CRY1: variants seen among roughly 807,000 people sequenced by gnomAD.
The protein encoded by CRY1 is cryptochrome circadian regulator 1, also known as cryptochrome-1.
CRY1 carries 45 observed loss-of-function variants against 76.0 expected under a neutral mutation model. The observed-to-expected ratio is 0.59, with a 90% CI of 0.47 to 0.76. The LOEUF (loss-of-function observed/expected upper bound fraction) is 0.76. CRY1 is among the 30% of genes least tolerant of loss of function. CRY1 has a pLI of 0.00. For synonymous variants in CRY1, 248 were observed against 244.0 expected (o/e 1.02, Z -0.15); for missense variants, 587 against 716.4 (o/e 0.82, Z 2.06).
chr12:107,019,650 G>A (rs1952531980), intron 2 of CRY1, among the ~76,000 whole-genome samples: 1 of 152,114 alleles, frequency 6.6e-6, no homozygotes, highest in African/African-American at 2.4e-5. Context: ...AGCAACTAGG[G>A]CTAGGTGCTA....
intron 1 of CRY1, among the ~76,000 whole-genome samples, chr12:107,078,682 T>C (rs1953287016): frequency 1.3e-5 from 2 of 152,200 alleles, no homozygotes; most frequent in South Asian, 2.1e-4. Context: ...ATTTCTCATG[T>C]TGATATCTTA....
intron 1 of CRY1, among the ~76,000 whole-genome samples, chr12:107,076,029 T>C (rs1953247969): frequency 6.6e-6 from 1 of 152,054 alleles, no homozygotes; most frequent in South Asian, 2.1e-4. Context: ...GATGCTTATT[T>C]TGAATCCAAG....
At chr12:107,076,163 T>A (rs780885975) in intron 1 of CRY1, among the ~76,000 whole-genome samples, 1 of 151,884 alleles carries the variant, frequency 6.6e-6, no homozygotes, top group African/African-American at 2.4e-5. Context: ...TAAATGTGGA[T>A]AAAGAAGTGA....
At chr12:107,067,767 G>C (rs1276135391) in intron 1 of CRY1, among the ~76,000 whole-genome samples, 4 of 152,128 alleles carry the variant, frequency 2.6e-5, no homozygotes, top group Non-Finnish European at 5.9e-5. Context: ...ACAATGAACA[G>C]GAGTCTGTGA....
chr12:107,076,445 T>C (rs1421147892), intron 1 of CRY1, among the ~76,000 whole-genome samples: 2 of 151,864 alleles, frequency 1.3e-5, no homozygotes, highest in African/African-American at 2.4e-5. Flanking sequence ...ACTCCATCTC[T>C]ACTAAAAATA....
chr12:107,051,297 C>T (rs1403901275), intron 1 of CRY1, among the ~76,000 whole-genome samples: 2 of 152,162 alleles, frequency 1.3e-5, no homozygotes, highest in Non-Finnish European at 2.9e-5. Flanking sequence ...TAAAAAGTTA[C>T]ATTTAGGCCT....
Position 107,059,254 on chromosome 12 carries a change from TTTTG to T in CRY1, c.158+33546_158+33549del, listed in dbSNP as rs138254465. 7.4e-3 allele frequency among the ~76,000 whole-genome samples: 1,132 copies of T among 152,072 alleles called. 16 individuals carry two copies. Among genetic ancestry groups the T allele is most frequent in the African/African-American group, 0.024 (1,002 of 41,498 alleles). Reference sequence around the variant, plus strand: ...ACCAAAAATGGGACATGAATAGAGATTTTGTTTATTTTTCTGAAACAGGGTCTTG... The same window carrying T: ...ACCAAAAATGGGACATGAATAGAGATTTTATTTTTCTGAAACAGGGTCTTG... On this transcript the variant is annotated intron_variant, in intron 1 of 12. Transcript: ENST00000008527.
chr12:107,028,678 G>A (rs1305779848), intron 1 of CRY1, among the ~76,000 whole-genome samples: 1 of 152,130 alleles, frequency 6.6e-6, no homozygotes, highest in Non-Finnish European at 1.5e-5. Context: ...CATGATATAA[G>A]GAGACAATGA....
intron 2 of CRY1, among the ~76,000 whole-genome samples, chr12:107,008,903 C>T (rs1319265686): frequency 6.6e-6 from 1 of 152,174 alleles, no homozygotes; most frequent in Non-Finnish European, 1.5e-5. Context: ...TGTGCCTTTG[C>T]TCCTCCATCT....
intron 2 of CRY1, among the ~76,000 whole-genome samples, chr12:107,016,035 C>T (rs1164035166): frequency 1.7e-4 from 26 of 152,184 alleles, no homozygotes; most frequent in African/African-American, 2.4e-5. Flanking sequence ...CTTGGCTGGA[C>T]GTGGTGGCTC....
chr12:107,025,518 T>C (rs1381753179), intron 1 of CRY1, among the ~76,000 whole-genome samples: 1 of 152,204 alleles, frequency 6.6e-6, no homozygotes, highest in Non-Finnish European at 1.5e-5. Flanking sequence ...TTAAATAAAT[T>C]AACATATGCG....
chr12:107,049,097 T>C (rs960733719), intron 1 of CRY1, among the ~76,000 whole-genome samples: 19 of 152,212 alleles, frequency 1.2e-4, no homozygotes, highest in African/African-American at 4.3e-4. Context: ...AGTGCTTGTA[T>C]AGGATATTTT....
chr12:107,057,726 G>C (rs1170521690), intron 1 of CRY1, among the ~76,000 whole-genome samples: 2 of 151,878 alleles, frequency 1.3e-5, no homozygotes, highest in Non-Finnish European at 2.9e-5. Context: ...GCAAGACCCT[G>C]TCTCTATAAG....
chr12:107,055,789 G>A (rs961365088), intron 1 of CRY1, among the ~76,000 whole-genome samples: 2 of 151,828 alleles, frequency 1.3e-5, no homozygotes, highest in Admixed American at 1.3e-4. Flanking sequence ...GCAGGAGAAT[G>A]GCTTGAGTGT....
chr12:107,044,013 C>T (rs1952825795), intron 1 of CRY1, among the ~76,000 whole-genome samples: 1 of 152,186 alleles, frequency 6.6e-6, no homozygotes, highest in South Asian at 2.1e-4. Flanking sequence ...TACAACTCAG[C>T]TTCCTGAGAC....
chr12:107,009,561 A>T (rs1463981936), intron 2 of CRY1, among the ~76,000 whole-genome samples: 1 of 27,532 alleles, frequency 3.6e-5, no homozygotes, highest in Non-Finnish European at 8.0e-5. Flanking sequence ...AAAACAAAAA[A>T]ACATATATAT....
At chr12:107,010,535 C>G (rs1952432759) in intron 2 of CRY1, among the ~76,000 whole-genome samples, 1 of 152,174 alleles carries the variant, frequency 6.6e-6, no homozygotes, top group African/African-American at 2.4e-5. Flanking sequence ...CCTCGTGTCT[C>G]TGTGTCACAT....
At chr12:107,018,580 C>G (rs1004350510) in intron 2 of CRY1, among the ~76,000 whole-genome samples, 1 of 151,708 alleles carries the variant, frequency 6.6e-6, no homozygotes, top group Non-Finnish European at 1.5e-5. Flanking sequence ...GAGCAAGACT[C>G]TCTCTCAAAA....
chr12:107,035,107 G>C (rs1296975169), intron 1 of CRY1, among the ~76,000 whole-genome samples: 1 of 152,180 alleles, frequency 6.6e-6, no homozygotes, highest in Non-Finnish European at 1.5e-5. Context: ...CCAGATCTAT[G>C]AATAATGCTT....
Sources: allele counts gnomAD v4.1 joint callset (sites outside exome capture counted in the v4.1 genomes callset), GRCh38; gene constraint gnomAD v4.1.1; transcripts MANE v1.5; gene names NCBI Gene and HGNC (gene_info 2026-07-23, HGNC 2026-07-21).